The following ACYP1 variants were observed in gnomAD, a reference collection of about 807,000 sequenced individuals.
ACYP1 encodes acylphosphatase-1.
Under a neutral mutation model 10.4 loss-of-function variants are expected in ACYP1, and 8 were observed. That is an observed-to-expected ratio of 0.77 (90% CI 0.45 to 1.38). The LOEUF (loss-of-function observed/expected upper bound fraction) is 1.38, where lower values mean the gene tolerates loss of function less well. Ranked by LOEUF, ACYP1 falls within the 40% of genes most tolerant of loss-of-function variation. The pLI is 0.00. For missense variants in ACYP1, 93 were observed against 117.3 expected, an observed-to-expected ratio of 0.79 and a Z score of 0.96; for synonymous variants, 38 against 40.8, an observed-to-expected ratio of 0.93 and a Z score of 0.26.
Position 75,063,355 on chromosome 14 carries a change from T to C in ACYP1, c.84+115A>G, listed in dbSNP as rs538134084. 188 of 792,288 alleles carry C rather than the reference T, an allele frequency of 2.4e-4. 2 individuals carry two copies. The African/African-American group carries it at 2.4e-3, about 10-fold the overall frequency. 49.1% of individuals were successfully genotyped at this position (792,288 alleles called of 1,614,324 possible). On this transcript the variant is annotated intron_variant, in intron 2 of 2. Coordinates refer to ENST00000238618, the MANE Select transcript of ACYP1 (RefSeq NM_001107.5). ...ACTCATTGCTCTACAAACTACCTCT[T>C]TGCCATGCAGCTACCAAATAGCCAG...
At position 75,063,502 on chromosome 14, in the gene ACYP1, C is replaced by T; in HGVS notation, c.52G>A (p.Val18Met). ...ISVDYEIFGK[V>M]QGVFFRKHTQ... ...TGCTTACGGAAAAACACCCCTTGCA[C>T]CTTCCCAAAAATTTCATAATCCACT... The change falls in exon 2 of 3, where the codon GTG becomes ATG. Residue 18 changes from valine to methionine, a missense_variant. Physicochemically the swap from Val to Met is conservative, Grantham distance 21. Transcript: ENST00000238618. 6.2e-7 allele frequency: 1 copy of T among 1,613,910 alleles called. No homozygotes were observed. Among genetic ancestry groups the T allele is most frequent in the South Asian group, 1.1e-5 (1 of 91,026 alleles).
In ACYP1 at chr14:75,056,888, G is replaced by T. The variant is rs1892890547; in HGVS notation, c.85-3229C>A. Among the ~76,000 whole-genome samples, 4 of 151,604 alleles carry T rather than the reference G, an allele frequency of 2.6e-5. No individual in the cohort carries two copies. In the South Asian group the frequency reaches 8.4e-4, roughly 32 times the overall value. On this transcript the variant is annotated intron_variant, in intron 2 of 2. Coordinates refer to ENST00000238618, the MANE Select transcript of ACYP1 (RefSeq NM_001107.5). ...TTCCTCAACCTGATAAAGGGAATCT[G>T]TGAAAAACCCACTGCTAACATCATA...
chr14:75,060,006 C>CAAGATGAAAAGCGTTCTGT, intron 2 of ACYP1: 1 of 341,166 alleles, frequency 2.9e-6, no homozygotes, highest in Non-Finnish European at 5.3e-6. Flanking sequence ...TTCAGTTTTG[C>CAAGATGAAAAGCGTTCTGT]AAGATGAAAA....
chr14:75,061,406 C>T (rs1284947876), intron 2 of ACYP1, among the ~76,000 whole-genome samples: 2 of 152,122 alleles, frequency 1.3e-5, no homozygotes, highest in Admixed American at 1.3e-4. Flanking sequence ...GCAAACATTG[C>T]AGCAAAACAA....
Position 75,063,571 on chromosome 14 carries a change from AC to A in ACYP1, c.-8-11del. 1 of 1,611,054 alleles carries A rather than the reference AC, an allele frequency of 6.2e-7. No individual in the cohort carries two copies. The highest frequency in any genetic ancestry group is 8.5e-7 in the Non-Finnish European group (1 of 1,178,074). On this transcript the variant is annotated splice_polypyrimidine_tract_variant and intron_variant, in intron 1 of 2. Coordinates refer to ENST00000238618, the MANE Select transcript of ACYP1 (RefSeq NM_001107.5). ...TCTGCCATGCTCAAACCTGTCAGAA[AC>A]CAGGAAAGCAGAAGAGTGAAGGGCT...
chr14:75,064,797 C>A (rs1422558619), upstream of ACYP1, among the ~76,000 whole-genome samples: 1 of 151,858 alleles, frequency 6.6e-6, no homozygotes, highest in East Asian at 1.9e-4. Context: ...ATACATTTAA[C>A]CTTTCTGTCC....
Position 75,061,765 on chromosome 14 carries a change from A to G in ACYP1, c.84+1705T>C, listed in dbSNP as rs753182329. ...ATTCTGTTTTCAACAGTCATTTCCT[A>G]TTTGAGTGTCAGATGGGAAGAAATG... On this transcript the variant is annotated intron_variant, in intron 2 of 2. Coordinates refer to ENST00000238618, the MANE Select transcript of ACYP1 (RefSeq NM_001107.5). 6 of 1,573,874 alleles carry G rather than the reference A, an allele frequency of 3.8e-6. No individual in the cohort carries two copies. In the South Asian group the frequency reaches 6.8e-5, roughly 18 times the overall value.
upstream of ACYP1, among the ~76,000 whole-genome samples, chr14:75,068,421 C>A (rs1176408636): frequency 6.6e-6 from 1 of 152,028 alleles, no homozygotes; most frequent in Non-Finnish European, 1.5e-5. Context: ...AGGACTAATT[C>A]AAGAGAACTC....
At chr14:75,068,361 C>T (rs1343438163), upstream of ACYP1, among the ~76,000 whole-genome samples, 1 of 151,948 alleles carries the variant, frequency 6.6e-6, no homozygotes, top group Non-Finnish European at 1.5e-5. Flanking sequence ...CAAAACAAAA[C>T]AAAAATGCAG....
chr14:75,055,079 C>CTTT (rs33920224), intron 2 of ACYP1, among the ~76,000 whole-genome samples: 5 of 75,090 alleles, frequency 6.7e-5, no homozygotes, highest in African/African-American at 2.9e-4. Flanking sequence ...TATCTGAACT[C>CTTT]TTTTTTTTTT....
chr14:75,067,220 C>T (rs151168038), upstream of ACYP1, among the ~76,000 whole-genome samples: 4,677 of 82,164 alleles, frequency 0.057, 84 homozygotes, highest in South Asian at 0.11. Flanking sequence ...CACACACACA[C>T]ACACACATAT....
rs1196578211 is a variant in ACYP1, at chr14:75,063,946, C to T, written c.-9+8G>A. The T allele has an allele frequency of 1.0e-6, 1 of 1,000,520 alleles. No homozygotes were observed. The highest frequency in any genetic ancestry group is 1.2e-6 in the Non-Finnish European group (1 of 838,194). 62.0% of individuals were successfully genotyped at this position (1,000,520 alleles called of 1,614,324 possible). ...AGAAGCACACCCTGGGGGCCCCTGG[C>T]GGCTCACCCTCCTTGTCTTCCCCAC... On this transcript the variant is annotated splice_region_variant and intron_variant, in intron 1 of 2. Transcript: ENST00000238618.
chr14:75,061,803 T>C, intron 2 of ACYP1: 1 of 1,481,838 alleles, frequency 6.7e-7, no homozygotes, highest in Non-Finnish European at 9.2e-7. Flanking sequence ...TTTTGAATAA[T>C]TAGAAAAAGA....
chr14:75,067,493 T>C (rs79714099), upstream of ACYP1, among the ~76,000 whole-genome samples: 122 of 152,216 alleles, frequency 8.0e-4, 1 homozygote, highest in East Asian at 0.019. Flanking sequence ...CAGGCCACAA[T>C]GAACTGGACA....
At chr14:75,061,694 G>A (rs1893019648) in intron 2 of ACYP1, 2 of 1,588,944 alleles carry the variant, frequency 1.3e-6, no homozygotes, top group Admixed American at 1.7e-5. Flanking sequence ...CTGCATAACT[G>A]GTAGCAAAGC....
upstream of ACYP1, among the ~76,000 whole-genome samples, chr14:75,068,639 A>C (rs1170934433): frequency 2.0e-5 from 3 of 151,530 alleles, no homozygotes; most frequent in Non-Finnish European, 4.4e-5. Context: ...CGGGACCCTG[A>C]GTGGAGTGGG....
chr14:75,063,402 C>T, intron 2 of ACYP1, 68 bp downstream of exon 2: 3 of 1,364,224 alleles, frequency 2.2e-6, no homozygotes, highest in Non-Finnish European at 3.1e-6. Context: ...TCACATTTGT[C>T]AAGAACACGT....
At chr14:75,059,176 TAAAAAAAAAA>T (rs71119344) in intron 2 of ACYP1, among the ~76,000 whole-genome samples, 4 of 97,348 alleles carry the variant, frequency 4.1e-5, no homozygotes, top group East Asian at 3.1e-4. Context: ...GACTCTGTCT[TAAAAAAAAAA>T]AAAAAAAAAA....
upstream of ACYP1, among the ~76,000 whole-genome samples, chr14:75,065,988 G>A (rs148474275): frequency 1.9e-3 from 289 of 152,280 alleles, 2 homozygotes; most frequent in Non-Finnish European, 2.3e-3. Context: ...GCTAGACCAG[G>A]GGTTTGCTAC....
Sources: gnomAD v4.1 joint callset for allele counts (sites outside exome capture counted in the v4.1 genomes callset) on GRCh38, gnomAD v4.1.1 for gene constraint, MANE v1.5 for transcripts, NCBI Gene and HGNC (gene_info 2026-07-23, HGNC 2026-07-21) for gene names.